TNXB: variants seen among roughly 807,000 people sequenced by gnomAD.
The protein encoded by TNXB is tenascin XB.
In TNXB, 183 loss-of-function variants were observed where a neutral mutation model predicts 340.5. The ratio of observed to expected loss-of-function variants is 0.54; its 90% CI spans 0.48 to 0.61. TNXB has a LOEUF of 0.61. Among genes scored for constraint, TNXB ranks in the 20% least tolerant of loss-of-function variants. TNXB has a pLI of 0.00. For missense variants in TNXB, 4,613 were observed against 5,446.4 expected, an observed-to-expected ratio of 0.85 and a Z score of 4.82; for synonymous variants, 2,121 against 2,314.5, an observed-to-expected ratio of 0.92 and a Z score of 2.40.
rs169496 is a variant in TNXB, at chr6:32,085,206, C to T, written c.3149-497G>A. ...CTTTCACTGGTCCTGCAAACCTCAT[C>T]CATGTCTGAAGTCCTGATGGCTGTG... On this transcript the variant is annotated intron_variant, in intron 7 of 43. Coordinates refer to ENST00000644971, the MANE Select transcript of TNXB (RefSeq NM_001365276.2). The surrounding 1 kb of genome is among the most constrained non-coding windows in gnomAD (Gnocchi z 6.4). Among the ~76,000 whole-genome samples, 23,090 of 152,008 alleles carry T rather than the reference C, an allele frequency of 0.15. 2,316 individuals are homozygous for T. The highest frequency in any genetic ancestry group is 0.3 in the South Asian group (1,425 of 4,802).
chr6:32,097,140 C>A lies in TNXB; in HGVS notation c.713G>T (p.Gly238Val). 1 of 1,604,692 alleles carries A rather than the reference C, an allele frequency of 6.2e-7. No individual in the cohort carries two copies. The highest frequency in any genetic ancestry group is 1.1e-5 in the South Asian group (1 of 89,638). The change falls in exon 3 of 44, where the codon GGC (glycine) becomes GTC (valine). Residue 238 changes from glycine to valine, a missense_variant. Gly to Val is a moderately radical substitution (Grantham distance 109, BLOSUM62 -3). Coordinates refer to ENST00000644971, the MANE Select transcript of TNXB (RefSeq NM_001365276.2). This position sits in a 1 kb window ranked among gnomAD's most constrained non-coding sequence, Gnocchi z 5.9. ...CVQGVCVCRA[G>V]FSGPDCSQRS... The stretch of plus-strand genomic sequence containing the variant: ...CTGGCTGCAGTCGGGGCCTGAGAAG[C>A]CTGCCCGGCACACACACACGCCCTG...
chr6:32,053,262 G>T, intron 25 of TNXB, 126 bp downstream of exon 25: 1 of 1,431,484 alleles, frequency 7.0e-7, no homozygotes, highest in Non-Finnish European at 9.4e-7. Context: ...CAGGGAAGTG[G>T]GGAAAGACAA....
In TNXB at chr6:32,049,435, C is replaced by T. The variant is rs758444812; in HGVS notation, c.9592G>A (p.Val3198Met). The T allele has an allele frequency of 3.1e-5, 50 of 1,612,590 alleles. No individual in the cohort carries two copies. Among genetic ancestry groups the T allele is most frequent in the Middle Eastern group, 1.9e-4 (1 of 5,196 alleles). ...VPQGRFDSFT[V>M]QYKDRDGQPQ... Reference sequence around the variant, plus strand: ...TGCCCGTCCCTGTCCTTGTACTGCACGGTGAAGGAGTCGAAGCGGCCCTGG... The same window carrying T: ...TGCCCGTCCCTGTCCTTGTACTGCATGGTGAAGGAGTCGAAGCGGCCCTGG... Residue 3198 changes from valine (V) to methionine (M), a missense_variant, in exon 28 of 44, where the codon GTG becomes ATG. Val to Met is a conservative substitution (Grantham distance 21). Transcript: ENST00000644971. The surrounding 1 kb of genome is among the most constrained non-coding windows in gnomAD (Gnocchi z 4.5).
rs1333976019 is a variant in TNXB at position 32,108,506 on chromosome 6, T to C, written c.-9+675A>G. Among the ~76,000 whole-genome samples the C allele has an allele frequency of 6.6e-6, 1 of 151,942 alleles. No homozygotes were observed. The highest frequency in any genetic ancestry group is 2.4e-5 in the African/African-American group (1 of 41,324). ...GCCCTGCTGAACCGTGAGTCATGAG[T>C]GCAGAGCTCTGGCCAAGAACAAGTT... On this transcript the variant is annotated intron_variant, in intron 1 of 43. Transcript: ENST00000644971. This position sits in a 1 kb window ranked among gnomAD's most constrained non-coding sequence, Gnocchi z 4.8.
intron 11 of TNXB, among the ~76,000 whole-genome samples, chr6:32,077,572 A>G (rs1440505791): frequency 6.6e-6 from 1 of 152,236 alleles, no homozygotes; most frequent in African/African-American, 2.4e-5. Flanking sequence ...AGGGTCCCAG[A>G]GGCACTGCTG....
Position 32,053,412 on chromosome 6 carries a change from G to A in TNXB, c.8767C>T (p.Pro2923Ser). The A allele has an allele frequency of 1.9e-6, 3 of 1,612,838 alleles. No individual in the cohort carries two copies. The highest frequency in any genetic ancestry group is 2.5e-6 in the Non-Finnish European group (3 of 1,179,866). Residue 2923 changes from proline to serine, a missense_variant, in exon 25 of 44, where the codon CCC becomes TCC. Pro to Ser is a moderately conservative substitution (Grantham distance 74). Around this residue, in one of 7 missense-constraint regions of TNXB, gnomAD observed 4,327 missense variants for 4,859.4 expected, o/e 0.89. Transcript: ENST00000644971. ...YGFHGGQRVG[P>S]ISVIGVTAAE... ...CCTGTCACCCCAATGACAGAGATGG[G>A]GCCCACGCGCTGGCCACCGTGGAAG...
Position 32,046,088 on chromosome 6 carries a change from A to G in TNXB, c.10606+87T>C. 1 of 1,513,118 alleles carries G rather than the reference A, an allele frequency of 6.6e-7. No homozygotes were observed. Among genetic ancestry groups the G allele is most frequent in the Non-Finnish European group, 8.8e-7 (1 of 1,130,294 alleles). The allele number at this position is 1,513,118 out of a possible 1,614,324, so 93.7% of individuals were successfully genotyped here. A position where few individuals can be genotyped will look rare whatever the true frequency, so the allele number is the denominator to read the frequency against. On this transcript the variant is annotated intron_variant, in intron 31 of 43. Transcript: ENST00000644971. The surrounding 1 kb of genome is among the most constrained non-coding windows in gnomAD (Gnocchi z 6.9). ...CAGGGCGCCCCACTCCGGCCTGCCC[A>G]CTCCTGCAGTCATCTTTGTCTTCAG... is the stretch of plus-strand genomic sequence containing the variant.
chr6:32,069,316 A>G lies in TNXB; in HGVS notation c.5588-180T>C, dbSNP rs1778609703. Among the ~76,000 whole-genome samples, 1 of 152,210 alleles carries G rather than the reference A, an allele frequency of 6.6e-6. No homozygotes were observed. The highest frequency in any genetic ancestry group is 1.5e-5 in the Non-Finnish European group (1 of 68,038). ...AATTGCAAGAAATGAAACACAAGAG[A>G]CTGCGTATTGTGATTCCATTACATG... is the stretch of plus-strand genomic sequence containing the variant. On this transcript the variant is annotated intron_variant, in intron 15 of 43. Transcript: ENST00000644971. This position sits in a 1 kb window ranked among gnomAD's most constrained non-coding sequence, Gnocchi z 6.2.
rs1286559603 is a variant in TNXB at position 32,087,412 on chromosome 6, G to A, written c.2780-1294C>T. ...GCCGGGGCCCTCTGCAGGCGGCTGA[G>A]GCCGCCAGCGCAGCACCACGCGCTC... On this transcript the variant is annotated intron_variant, in intron 6 of 43. Transcript: ENST00000644971. This position sits in a 1 kb window ranked among gnomAD's most constrained non-coding sequence, Gnocchi z 9.0. 1.1e-5 allele frequency: 5 copies of A among 472,532 alleles called. No homozygotes were observed. Among genetic ancestry groups the A allele is most frequent in the Non-Finnish European group, 2.1e-5 (5 of 237,468 alleles). 29.3% of individuals were successfully genotyped at this position (472,532 alleles called of 1,614,324 possible).
rs1260263169 is a variant in TNXB, at chr6:32,055,788, T to C, written c.8467+63A>G. The C allele has an allele frequency of 1.4e-5, 22 of 1,558,500 alleles. No homozygotes were observed. The East Asian group carries it at 4.5e-4, about 32-fold the overall frequency. ...CCCGGCTGGTGAGAATATTTTTGTT[T>C]TCATGAAGTTGCAGAGAAAGCAACA... On this transcript the variant is annotated intron_variant, in intron 24 of 43. Coordinates refer to ENST00000644971, the MANE Select transcript of TNXB (RefSeq NM_001365276.2).
At chr6:32,065,326 T>C (rs1778280294) in intron 18 of TNXB, among the ~76,000 whole-genome samples, 1 of 152,160 alleles carries the variant, frequency 6.6e-6, no homozygotes, top group Non-Finnish European at 1.5e-5. Context: ...ACAATGACTG[T>C]TCCCTCTACC....
In TNXB at chr6:32,068,052, G is replaced by A; in HGVS notation, c.6221-68C>T. ...CTGGGGAAAAGGAGGGAGAAGCCAA[G>A]GCTATGACTGGGGGACCCGAGGTCA... On this transcript the variant is annotated intron_variant, in intron 17 of 43. Transcript: ENST00000644971. The surrounding 1 kb of genome is among the most constrained non-coding windows in gnomAD (Gnocchi z 5.3). 1 of 1,557,310 alleles carries A rather than the reference G, an allele frequency of 6.4e-7. No individual in the cohort carries two copies. The highest frequency in any genetic ancestry group is 1.2e-5 in the South Asian group (1 of 82,810).
chr6:32,098,101 G>T lies in TNXB; in HGVS notation c.98C>A (p.Thr33Lys). ...AGPFSSRSNVTLPAPRPPPQP... is the reference protein window; with the variant it reads ...AGPFSSRSNVKLPAPRPPPQP... The stretch of plus-strand genomic sequence containing the variant: ...GGGAGGGGGCCGGGGGGCTGGCAGT[G>T]TCACATTGGACCGTGAAGAGAAGGG... Residue 33 changes from threonine (T) to lysine (K), a missense_variant, in exon 2 of 44, where the codon ACA (threonine) becomes AAA (lysine). Physicochemically the swap from Thr to Lys is moderately conservative, Grantham distance 78. Around this residue, in one of 7 missense-constraint regions of TNXB, gnomAD observed 4,327 missense variants for 4,859.4 expected, o/e 0.89. Coordinates refer to ENST00000644971, the MANE Select transcript of TNXB (RefSeq NM_001365276.2). 6.2e-7 allele frequency: 1 copy of T among 1,604,588 alleles called. No individual in the cohort carries two copies. The highest frequency in any genetic ancestry group is 8.5e-7 in the Non-Finnish European group (1 of 1,176,418).
intron 1 of TNXB, among the ~76,000 whole-genome samples, chr6:32,102,661 C>G (rs1780778821): frequency 6.6e-6 from 1 of 152,130 alleles, no homozygotes; most frequent in Non-Finnish European, 1.5e-5. Context: ...GTGGCTCATG[C>G]CTGTAATCCC....
chr6:32,061,812 A>G lies in TNXB; in HGVS notation c.7169-92T>C. On this transcript the variant is annotated intron_variant, in intron 20 of 43. Transcript: ENST00000644971. The surrounding 1 kb of genome is among the most constrained non-coding windows in gnomAD (Gnocchi z 4.4). ...GGAGGGAGAAGGCTATGACTAGGGG[A>G]CATATGAAATAGCCAAGGCTATGAC... 6.7e-7 allele frequency: 1 copy of G among 1,500,444 alleles called. No homozygotes were observed. The highest frequency in any genetic ancestry group is 2.1e-5 in the Admixed American group (1 of 48,126). The allele number at this position is 1,500,444 out of a possible 1,614,324, so 92.9% of individuals were successfully genotyped here. A position where few individuals can be genotyped will look rare whatever the true frequency, so the allele number is the denominator to read the frequency against.
In TNXB at chr6:32,073,720, T is replaced by C; in HGVS notation, c.4608A>G (p.Arg1536=). 1 of 1,611,732 alleles carries C rather than the reference T, an allele frequency of 6.2e-7. No homozygotes were observed. The change falls in exon 12 of 44, where the codon AGA becomes AGG. Residue 1536 remains arginine (R), a synonymous_variant. Coordinates refer to ENST00000644971, the MANE Select transcript of TNXB (RefSeq NM_001365276.2). The surrounding 1 kb of genome is among the most constrained non-coding windows in gnomAD (Gnocchi z 4.6). Reference sequence around the variant, plus strand: ...GTCCATACATGTTCATCTTATATTTTCTCTCAGGCTCCAGGTTGTAGACTG... The same window carrying C: ...GTCCATACATGTTCATCTTATATTTCCTCTCAGGCTCCAGGTTGTAGACTG... The part of the protein sequence containing the change: ...EVTVYNLEPE[R]KYKMNMYGLH...
rs1366588920 is a variant in TNXB at position 32,049,578 on chromosome 6, G to A, written c.9449C>T (p.Thr3150Ile). The A allele has an allele frequency of 6.2e-7, 1 of 1,611,444 alleles. No individual in the cohort carries two copies. Among genetic ancestry groups the A allele is most frequent in the South Asian group, 1.1e-5 (1 of 91,032 alleles). Residue 3150 changes from threonine to isoleucine, a missense_variant, in exon 28 of 44, where the codon ACC becomes ATC. Transcript: ENST00000644971. The surrounding 1 kb of genome is among the most constrained non-coding windows in gnomAD (Gnocchi z 4.5). ...VSAIGVTEEE[T>I]PSPTEPSTEA... ...AGTGCTGGGTTCTGTGGGGCTGGGGGTCTCTTCCTCTGCAGTGGAGAAGGA... is the reference window on the plus strand; with the variant it reads ...AGTGCTGGGTTCTGTGGGGCTGGGGATCTCTTCCTCTGCAGTGGAGAAGGA...
chr6:32,084,145 C>T lies in TNXB; in HGVS notation c.3445+268G>A, dbSNP rs540383263. On this transcript the variant is annotated intron_variant, in intron 8 of 43. Coordinates refer to ENST00000644971, the MANE Select transcript of TNXB (RefSeq NM_001365276.2). The surrounding 1 kb of genome is among the most constrained non-coding windows in gnomAD (Gnocchi z 5.5). ...TGAGACCAGGCCCTTTGGCACCCCC[C>T]ACATGCCCTGTTCTCCAGCCAGAGG... Among the ~76,000 whole-genome samples the T allele has an allele frequency of 2.6e-5, 4 of 152,202 alleles. No homozygotes were observed. The highest frequency in any genetic ancestry group is 2.9e-5 in the Non-Finnish European group (2 of 68,030).
At chr6:32,059,312 A>G (rs1270253990) in intron 21 of TNXB, among the ~76,000 whole-genome samples, 1 of 150,718 alleles carries the variant, frequency 6.6e-6, no homozygotes, top group Non-Finnish European at 1.5e-5. Flanking sequence ...CCAGCTACTC[A>G]GGAGGCTGAG....
Sources: gnomAD v4.1 joint callset for allele counts (sites outside exome capture counted in the v4.1 genomes callset) on GRCh38, gnomAD v4.1.1 for gene constraint, gnomAD v4.1.1 regional missense constraint, Gnocchi (gnomAD v3.1) non-coding constraint, MANE v1.5 for transcripts, NCBI Gene and HGNC (gene_info 2026-07-23, HGNC 2026-07-21) for gene names.